CGGBP1: variants seen among roughly 807,000 people sequenced by gnomAD.
CGGBP1 encodes the protein CGG triplet repeat binding protein 1.
In CGGBP1, 4 loss-of-function variants were observed where a neutral mutation model predicts 11.4. That is an observed-to-expected ratio of 0.35 (90% CI 0.17 to 0.80). The LOEUF (loss-of-function observed/expected upper bound fraction) is 0.80, where lower values mean the gene tolerates loss of function less well. Ranked by LOEUF, CGGBP1 falls within the 30% of genes least tolerant of loss-of-function variation. The probability of loss-of-function intolerance (pLI) is 0.52; values close to 1 mark genes in which losing one functional copy is unlikely to be tolerated. For missense variants in CGGBP1, 135 were observed against 202.1 expected, an observed-to-expected ratio of 0.67 and a Z score of 2.01; for synonymous variants, 76 against 74.1, an observed-to-expected ratio of 1.03 and a Z score of -0.13.
At chr3:88,059,664 G>C (rs978419489), upstream of CGGBP1, among the ~76,000 whole-genome samples, 2 of 151,806 alleles carry the variant, frequency 1.3e-5, no homozygotes, top group African/African-American at 4.8e-5. Context: ...TCCGGCTTGG[G>C]GTGGGGGGCG....
intron 2 of CGGBP1, among the ~76,000 whole-genome samples, chr3:88,086,998 G>A (rs980026363): frequency 2.0e-5 from 3 of 152,148 alleles, no homozygotes; most frequent in Non-Finnish European, 4.4e-5. Context: ...TAGCCAGGAT[G>A]GTCTTGATCT....
upstream of CGGBP1, chr3:88,059,425 G>A (rs1371616339): frequency 1.3e-6 from 2 of 1,526,686 alleles, no homozygotes; most frequent in Non-Finnish European, 1.7e-6. Flanking sequence ...TGCGGGCGAC[G>A]GCAGAGGCGG....
chr3:88,149,760 T>C (rs1276507487), exon 1 of CGGBP1: 1 of 239,844 alleles, frequency 4.2e-6, no homozygotes, highest in African/African-American at 2.3e-5. Flanking sequence ...GGGACTTCTC[T>C]TTCGGTAACC....
At chr3:88,091,768 T>C (rs1023734486) in intron 2 of CGGBP1, among the ~76,000 whole-genome samples, 3 of 152,208 alleles carry the variant, frequency 2.0e-5, no homozygotes, top group Non-Finnish European at 2.9e-5. Context: ...GCAGTTCCCC[T>C]GCACATGCTC....
At chr3:88,112,128 ATT>A (rs1705128783) in intron 2 of CGGBP1, among the ~76,000 whole-genome samples, 1 of 151,904 alleles carries the variant, frequency 6.6e-6, no homozygotes, top group African/African-American at 2.4e-5. Context: ...TAGTAGTCAA[ATT>A]TATAAAAACG....
intron 2 of CGGBP1, among the ~76,000 whole-genome samples, chr3:88,118,748 G>T (rs570124432): frequency 1.3e-5 from 2 of 152,282 alleles, no homozygotes; most frequent in African/African-American, 4.8e-5. Flanking sequence ...TTTCAAAACT[G>T]TGCTACCATA....
rs1380097535 is a variant in CGGBP1, at chr3:88,131,300, T to A, written c.-229+9670A>T. On this transcript the variant is annotated intron_variant, in intron 2 of 3. Transcript: ENST00000462901. Reference sequence around the variant, plus strand: ...ATACGCAGTCTTCTGTTCACTGAAATGTTGTTACACTGCGTATAACTGTAG... The same window carrying A: ...ATACGCAGTCTTCTGTTCACTGAAAAGTTGTTACACTGCGTATAACTGTAG... Among the ~76,000 whole-genome samples, 3 of 152,350 alleles carry A rather than the reference T, an allele frequency of 2.0e-5. No individual in the cohort carries two copies. In the East Asian group the frequency reaches 5.8e-4, roughly 29 times the overall value.
chr3:88,138,294 G>A (rs1181568115), intron 2 of CGGBP1, among the ~76,000 whole-genome samples: 1 of 151,968 alleles, frequency 6.6e-6, no homozygotes, highest in East Asian at 1.9e-4. Flanking sequence ...ATTTCTTGAT[G>A]TGGAAAATTG....
intron 1 of CGGBP1, among the ~76,000 whole-genome samples, chr3:88,147,428 T>C (rs958554865): frequency 5.3e-5 from 8 of 152,088 alleles, no homozygotes; most frequent in East Asian, 3.9e-4. Flanking sequence ...CAAGAACCTA[T>C]GGCAAGTTGA....
At chr3:88,111,283 C>T (rs1343917121) in intron 2 of CGGBP1, among the ~76,000 whole-genome samples, 7 of 151,834 alleles carry the variant, frequency 4.6e-5, no homozygotes, top group Non-Finnish European at 1.0e-4. Flanking sequence ...AAATAATTCT[C>T]CCTTTCATTT....
chr3:88,123,176 G>C (rs959919831), intron 2 of CGGBP1, among the ~76,000 whole-genome samples: 2 of 151,962 alleles, frequency 1.3e-5, no homozygotes, highest in Non-Finnish European at 2.9e-5. Context: ...TTTAAGGAAC[G>C]AGGAGCCAAA....
chr3:88,122,039 A>G (rs1705800493), intron 2 of CGGBP1, among the ~76,000 whole-genome samples: 1 of 152,220 alleles, frequency 6.6e-6, no homozygotes, highest in Non-Finnish European at 1.5e-5. Context: ...CACTTAAGAT[A>G]GTAATGCAAG....
chr3:88,116,939 G>C (rs1160617936), intron 2 of CGGBP1, among the ~76,000 whole-genome samples: 1 of 152,072 alleles, frequency 6.6e-6, no homozygotes, highest in Non-Finnish European at 1.5e-5. Context: ...GACTAAAGAG[G>C]ATAAATACCT....
At chr3:88,116,234 A>C (rs1306644938) in intron 2 of CGGBP1, among the ~76,000 whole-genome samples, 1 of 152,032 alleles carries the variant, frequency 6.6e-6, no homozygotes, top group Non-Finnish European at 1.5e-5. Context: ...AAAATAAGAT[A>C]TATGGGCCAG....
chr3:88,082,196 G>T (rs1338223366), intron 2 of CGGBP1, among the ~76,000 whole-genome samples: 1 of 149,882 alleles, frequency 6.7e-6, no homozygotes, highest in Non-Finnish European at 1.5e-5. Flanking sequence ...GTGCAATCTT[G>T]GCTCACTGCA....
intron 2 of CGGBP1, chr3:88,128,888 C>T (rs1170928355): frequency 3.4e-5 from 52 of 1,535,272 alleles, no homozygotes; most frequent in Admixed American, 7.9e-5. Context: ...AACGCATACC[C>T]GAAGCAATGG....
intron 2 of CGGBP1, among the ~76,000 whole-genome samples, chr3:88,068,941 G>T (rs926577177): frequency 6.6e-6 from 1 of 152,024 alleles, no homozygotes; most frequent in Admixed American, 6.5e-5. Flanking sequence ...TAAGCATTTG[G>T]TATCTATTGT....
At chr3:88,114,834 C>G (rs530026642) in intron 2 of CGGBP1, among the ~76,000 whole-genome samples, 1 of 152,278 alleles carries the variant, frequency 6.6e-6, no homozygotes, top group South Asian at 2.1e-4. Context: ...CTCCCTAAAA[C>G]CTTGTATTTT....
intron 2 of CGGBP1, among the ~76,000 whole-genome samples, chr3:88,108,885 C>A (rs1488136493): frequency 6.6e-6 from 1 of 152,004 alleles, no homozygotes; most frequent in Non-Finnish European, 1.5e-5. Context: ...GAACAAATTT[C>A]CTATCTCTGA....
Sources: allele counts gnomAD v4.1 joint callset (sites outside exome capture counted in the v4.1 genomes callset), GRCh38; gene constraint gnomAD v4.1.1; transcripts MANE v1.5; gene names NCBI Gene and HGNC (gene_info 2026-07-23, HGNC 2026-07-21).